The following TPP2 variants were observed in gnomAD, a reference collection of about 807,000 sequenced individuals.
TPP2 encodes tripeptidyl-peptidase 2.
Under a neutral mutation model 155.9 loss-of-function variants are expected in TPP2, and 34 were observed. The ratio of observed to expected loss-of-function variants is 0.22; its 90% CI spans 0.17 to 0.29. The LOEUF is 0.29. Ranked by LOEUF, TPP2 falls within the 10% of genes least tolerant of loss-of-function variation. The probability of loss-of-function intolerance (pLI) is 1.00; values close to 1 mark genes in which losing one functional copy is unlikely to be tolerated. For missense variants in TPP2, 1,028 were observed against 1,522.3 expected (o/e 0.68, Z 5.40); for synonymous variants, 510 against 529.4 (o/e 0.96, Z 0.50).
intron 27 of TPP2, among the ~76,000 whole-genome samples, chr13:102,665,455 C>G (rs1353551320): frequency 6.6e-6 from 1 of 152,034 alleles, no homozygotes; most frequent in Non-Finnish European, 1.5e-5. Flanking sequence ...TATAGTTTTG[C>G]CTTTATAAAA....
In TPP2 at chr13:102,597,038, C is replaced by T; in HGVS notation, c.-1C>T. 1 of 1,611,460 alleles carries T rather than the reference C, an allele frequency of 6.2e-7. No homozygotes were observed. The highest frequency in any genetic ancestry group is 8.5e-7 in the Non-Finnish European group (1 of 1,179,332). The stretch of plus-strand genomic sequence containing the variant: ...GCTTCCTCGTCCTCCATCCTGCGTC[C>T]ATGGCCACCGCTGCGACTGAGGAGC... On this transcript the variant is annotated 5_prime_UTR_variant, in exon 1 of 30. Coordinates refer to ENST00000376052, the MANE Select transcript of TPP2 (RefSeq NM_001330588.2).
chr13:102,597,089 G>C lies in TPP2; in HGVS notation c.51G>C (p.Pro17=). 6.2e-7 allele frequency: 1 copy of C among 1,611,730 alleles called. No homozygotes were observed. Among genetic ancestry groups the C allele is most frequent in the Non-Finnish European group, 8.5e-7 (1 of 1,179,416 alleles). Residue 17 remains proline, a synonymous_variant, in exon 1 of 30, where the codon CCG becomes CCC. Transcript: ENST00000376052. ...EEPFPFHGLL[P]KKETGAASFL... is the part of the protein sequence containing the mutation. ...CCTTCCCTTTTCACGGTCTCCTGCC[G>C]AAGAAGGAGACCGGAGCCGCCTCCT...
At position 102,601,150 on chromosome 13, in the gene TPP2, CTACT is replaced by C. The variant is rs375753973; in HGVS notation, c.166-3637_166-3634del. The stretch of plus-strand genomic sequence containing the variant: ...GTTGTCCTGTTTTGTCATCATCTCT[CTACT>C]TACTTTTTCTTTCCAACCAATAGTA... On this transcript the variant is annotated intron_variant, in intron 1 of 29. Coordinates refer to ENST00000376052, the MANE Select transcript of TPP2 (RefSeq NM_001330588.2). Among the ~76,000 whole-genome samples the C allele has an allele frequency of 3.2e-4, 48 of 152,286 alleles. No homozygotes were observed. The East Asian group carries it at 8.9e-3, about 28-fold the overall frequency.
chr13:102,676,286 T>C lies in TPP2; in HGVS notation c.3580-10T>C. 6.3e-7 allele frequency: 1 copy of C among 1,580,434 alleles called. No individual in the cohort carries two copies. Among genetic ancestry groups the C allele is most frequent in the Non-Finnish European group, 8.6e-7 (1 of 1,160,268 alleles). On this transcript the variant is annotated splice_polypyrimidine_tract_variant and intron_variant, in intron 28 of 29. Coordinates refer to ENST00000376052, the MANE Select transcript of TPP2 (RefSeq NM_001330588.2). The stretch of plus-strand genomic sequence containing the variant: ...TTTATAAACAAGCTTTATCATGTTT[T>C]ACATTGTAGGTTTTGACATTTGCAT...
chr13:102,601,902 G>T (rs376663686), intron 1 of TPP2, among the ~76,000 whole-genome samples: 1 of 152,198 alleles, frequency 6.6e-6, no homozygotes, highest in Non-Finnish European at 1.5e-5. Context: ...GAAAATTTGT[G>T]TGTGTAGGAG....
At chr13:102,611,467 G>C (rs1367792726) in intron 2 of TPP2, among the ~76,000 whole-genome samples, 1 of 152,106 alleles carries the variant, frequency 6.6e-6, no homozygotes, top group Non-Finnish European at 1.5e-5. Context: ...TCTGAGGTCG[G>C]GAGTTCAAGA....
At chr13:102,665,749 A>G (rs1316962763) in intron 27 of TPP2, among the ~76,000 whole-genome samples, 1 of 152,210 alleles carries the variant, frequency 6.6e-6, no homozygotes, top group Non-Finnish European at 1.5e-5. Context: ...ATTATAACTA[A>G]TAAACCAAAA....
chr13:102,614,716 A>G (rs1264323135), intron 3 of TPP2, among the ~76,000 whole-genome samples: 1 of 152,174 alleles, frequency 6.6e-6, no homozygotes, highest in Non-Finnish European at 1.5e-5. Context: ...TAGAAAAATA[A>G]GAGTGGTAAG....
intron 27 of TPP2, 142 bp from the exon 28 acceptor site, chr13:102,674,141 A>G: frequency 2.4e-6 from 2 of 835,180 alleles, no homozygotes; most frequent in South Asian, 1.8e-5. Context: ...TTGATGTACA[A>G]TACAATTGTA....
At chr13:102,624,850 TC>T (rs1881452872) in intron 6 of TPP2, among the ~76,000 whole-genome samples, 6 of 55,892 alleles carry the variant, frequency 1.1e-4, no homozygotes, top group East Asian at 4.8e-4. Flanking sequence ...TTTTTTTTTT[TC>T]CTTTTTTTTT....
At chr13:102,662,189 A>G (rs1305120928) in intron 25 of TPP2, among the ~76,000 whole-genome samples, 2 of 152,220 alleles carry the variant, frequency 1.3e-5, no homozygotes, top group Non-Finnish European at 2.9e-5. Flanking sequence ...TTCTATTCAT[A>G]TTAAATGTCC....
At chr13:102,618,874 C>T in intron 5 of TPP2, 28 bp downstream of exon 5, 1 of 1,577,976 alleles carries the variant, frequency 6.3e-7, no homozygotes, top group Non-Finnish European at 8.6e-7. Context: ...TATACATCTT[C>T]ATTTACAAAT....
At chr13:102,635,518 C>A in intron 11 of TPP2, 69 bp from the exon 12 acceptor site, 1 of 1,103,970 alleles carries the variant, frequency 9.1e-7, no homozygotes, top group South Asian at 1.3e-5. Flanking sequence ...GGTGATCGAT[C>A]ATACTGGTGG....
intron 26 of TPP2, among the ~76,000 whole-genome samples, chr13:102,664,326 A>G (rs1304145252): frequency 6.6e-6 from 1 of 152,212 alleles, no homozygotes; most frequent in Non-Finnish European, 1.5e-5. Context: ...ACTGTTGATT[A>G]TAATGTTTAC....
At chr13:102,672,056 A>G (rs1028211389) in intron 27 of TPP2, among the ~76,000 whole-genome samples, 1 of 152,078 alleles carries the variant, frequency 6.6e-6, no homozygotes, top group Non-Finnish European at 1.5e-5. Flanking sequence ...CGAGGGTTCC[A>G]TTGTGATCCA....
chr13:102,614,385 T>A (rs1293444456), intron 3 of TPP2, among the ~76,000 whole-genome samples, 189 bp downstream of exon 3: 1 of 152,222 alleles, frequency 6.6e-6, no homozygotes, highest in African/African-American at 2.4e-5. Flanking sequence ...TGTAAACTTG[T>A]GATTCTTGAT....
At chr13:102,597,460 C>A (rs1879056596) in intron 1 of TPP2, among the ~76,000 whole-genome samples, 1 of 152,190 alleles carries the variant, frequency 6.6e-6, no homozygotes, top group African/African-American at 2.4e-5. Flanking sequence ...GTGGTCCCCC[C>A]AGCTCAACAA....
At chr13:102,640,647 T>A (rs1177208043) in intron 16 of TPP2, among the ~76,000 whole-genome samples, 112 of 124,236 alleles carry the variant, frequency 9.0e-4, no homozygotes, top group African/African-American at 3.4e-3. Flanking sequence ...AATAATTTTT[T>A]TTTTTTTTTT....
intron 6 of TPP2, 46 bp from the exon 7 acceptor site, chr13:102,626,966 C>T: frequency 6.9e-7 from 1 of 1,444,232 alleles, no homozygotes; most frequent in African/African-American, 1.4e-5. Context: ...AATAAACTTT[C>T]AGTCCATGAG....
Sources: gnomAD v4.1 joint callset for allele counts (sites outside exome capture counted in the v4.1 genomes callset) on GRCh38, gnomAD v4.1.1 for gene constraint, MANE v1.5 for transcripts, NCBI Gene and HGNC (gene_info 2026-07-23, HGNC 2026-07-21) for gene names.